The following ANO6 variants were observed in gnomAD, a reference collection of about 807,000 sequenced individuals.
ANO6 encodes anoctamin 6, also known as anoctamin-6.
ANO6 carries 106 observed loss-of-function variants against 117.5 expected under a neutral mutation model. That is an observed-to-expected ratio of 0.90 (90% CI 0.77 to 1.06). ANO6 has a LOEUF of 1.06. Among genes scored for constraint, ANO6 ranks in the 50% least tolerant of loss-of-function variants. The pLI, the probability that ANO6 is intolerant of heterozygous loss-of-function variation, is 0.00. For missense variants in ANO6, 955 were observed against 1,121.1 expected (o/e 0.85, Z 2.12); for synonymous variants, 367 against 385.1 (o/e 0.95, Z 0.55).
intron 1 of ANO6, among the ~76,000 whole-genome samples, chr12:45,221,995 C>A (rs1947407944): frequency 6.6e-6 from 1 of 151,178 alleles, no homozygotes; most frequent in South Asian, 2.1e-4. Flanking sequence ...CATTCTCCCA[C>A]CTCAGCCTCC....
chr12:45,220,686 T>A (rs979359184), intron 1 of ANO6, among the ~76,000 whole-genome samples: 1 of 152,216 alleles, frequency 6.6e-6, no homozygotes, highest in African/African-American at 2.4e-5. Context: ...CCTAAAACTT[T>A]TGGAATTTTC....
chr12:45,322,424 G>A (rs1216502679), intron 2 of ANO6, among the ~76,000 whole-genome samples: 1 of 152,128 alleles, frequency 6.6e-6, no homozygotes, highest in African/African-American at 2.4e-5. Context: ...GGTTGGGAAT[G>A]GGGAGTAATG....
chr12:45,356,622 C>T (rs1004394926), intron 7 of ANO6, among the ~76,000 whole-genome samples: 15 of 152,058 alleles, frequency 9.9e-5, no homozygotes, highest in Non-Finnish European at 1.3e-4. Context: ...GGAAATGGAT[C>T]ATCATAAAGG....
At chr12:45,274,696 G>A (rs777497083) in intron 1 of ANO6, among the ~76,000 whole-genome samples, 5 of 151,320 alleles carry the variant, frequency 3.3e-5, no homozygotes, top group Non-Finnish European at 7.4e-5. Context: ...TAAGGCCTCT[G>A]CTACCTCTCC....
intron 15 of ANO6, among the ~76,000 whole-genome samples, chr12:45,404,530 C>G (rs748476692): frequency 9.2e-5 from 14 of 152,082 alleles, no homozygotes; most frequent in Non-Finnish European, 1.8e-4. Flanking sequence ...TCCAAGGGCT[C>G]TGGGGTGAAT....
intron 1 of ANO6, among the ~76,000 whole-genome samples, chr12:45,234,658 A>T (rs1185774072): frequency 6.6e-6 from 1 of 152,166 alleles, no homozygotes; most frequent in Non-Finnish European, 1.5e-5. Flanking sequence ...ACTCTTAGTC[A>T]TCTTCCCTGC....
At chr12:45,337,370 C>T (rs1034267097) in intron 3 of ANO6, among the ~76,000 whole-genome samples, 1 of 152,104 alleles carries the variant, frequency 6.6e-6, no homozygotes, top group Non-Finnish European at 1.5e-5. Context: ...AGCTCAGTCT[C>T]ATGCAGTGCA....
At chr12:45,319,785 T>G (rs899313812) in intron 2 of ANO6, among the ~76,000 whole-genome samples, 2 of 152,144 alleles carry the variant, frequency 1.3e-5, no homozygotes, top group Admixed American at 6.6e-5. Context: ...ATTATTGCCT[T>G]AATTTCAGAT....
In ANO6 at chr12:45,302,397, T is replaced by C. The variant is rs187412754; in HGVS notation, c.150+304T>C. On this transcript the variant is annotated intron_variant, in intron 2 of 19. Coordinates refer to ENST00000320560, the MANE Select transcript of ANO6 (RefSeq NM_001025356.3). ...ACTCCTGTTCCATTCATTGATACCA[T>C]TGCTGTCAGTATCTGTTGTTAGTAA... Among the ~76,000 whole-genome samples, 70 of 152,336 alleles carry C rather than the reference T, an allele frequency of 4.6e-4. 1 individual carries two copies. The highest frequency in any genetic ancestry group is 3.4e-3 in the Middle Eastern group (1 of 294).
chr12:45,315,792 C>T (rs2137347190), intron 2 of ANO6, among the ~76,000 whole-genome samples: 1 of 152,164 alleles, frequency 6.6e-6, no homozygotes. Flanking sequence ...TCCTCTCAGC[C>T]GCTCAAGCCA....
chr12:45,437,245 C>T (rs553286099), downstream of ANO6, among the ~76,000 whole-genome samples: 8 of 152,278 alleles, frequency 5.3e-5, no homozygotes, highest in South Asian at 8.3e-4. Context: ...CATTCTCTCA[C>T]GAGCATAGAG....
At chr12:45,222,670 C>T (rs1360260906) in intron 1 of ANO6, among the ~76,000 whole-genome samples, 2 of 152,204 alleles carry the variant, frequency 1.3e-5, no homozygotes, top group African/African-American at 4.8e-5. Flanking sequence ...ACCTTTGTCT[C>T]TCCAATTTTA....
chr12:45,352,700 T>C (rs1429187828), intron 7 of ANO6, among the ~76,000 whole-genome samples: 1 of 148,322 alleles, frequency 6.7e-6, no homozygotes, highest in African/African-American at 2.6e-5. Flanking sequence ...CACTGCACTC[T>C]AGGGCAACAG....
At chr12:45,408,815 C>T (rs1370566420) in intron 15 of ANO6, among the ~76,000 whole-genome samples, 1 of 152,086 alleles carries the variant, frequency 6.6e-6, no homozygotes, top group Non-Finnish European at 1.5e-5. Context: ...CTGTCATCAC[C>T]GTTCCCTCTG....
chr12:45,227,736 A>G (rs1398781090), intron 1 of ANO6, among the ~76,000 whole-genome samples: 1 of 151,988 alleles, frequency 6.6e-6, no homozygotes, highest in East Asian at 1.9e-4. Context: ...CATGTTATGC[A>G]TATAGGAACT....
chr12:45,318,797 C>T (rs1436424645), intron 2 of ANO6, among the ~76,000 whole-genome samples: 1 of 152,132 alleles, frequency 6.6e-6, no homozygotes. Context: ...TCTTTTATTT[C>T]ATTGAGCAGT....
At chr12:45,222,780 A>G (rs1427959732) in intron 1 of ANO6, among the ~76,000 whole-genome samples, 1 of 152,194 alleles carries the variant, frequency 6.6e-6, no homozygotes, top group Non-Finnish European at 1.5e-5. Flanking sequence ...TAAGACCCCC[A>G]TTTCAGAAGG....
chr12:45,318,839 C>T (rs967970189), intron 2 of ANO6, among the ~76,000 whole-genome samples: 20 of 152,182 alleles, frequency 1.3e-4, no homozygotes, highest in Non-Finnish European at 2.2e-4. Context: ...AGGTCCTTCA[C>T]ATCCCTTTTA....
intron 10 of ANO6, among the ~76,000 whole-genome samples, chr12:45,384,150 T>C (rs187527083): frequency 6.3e-4 from 96 of 152,362 alleles, no homozygotes; most frequent in African/African-American, 2.2e-3. Context: ...CAACCTCTGC[T>C]AGCTTCAAAC....
Sources: gnomAD v4.1 joint callset for allele counts (sites outside exome capture counted in the v4.1 genomes callset) on GRCh38, gnomAD v4.1.1 for gene constraint, MANE v1.5 for transcripts, NCBI Gene and HGNC (gene_info 2026-07-23, HGNC 2026-07-21) for gene names.